KCNH1: variants seen among roughly 807,000 people sequenced by gnomAD.
KCNH1 encodes the protein voltage-gated delayed rectifier potassium channel KCNH1.
Under a neutral mutation model 69.2 loss-of-function variants are expected in KCNH1, and 27 were observed. That is an observed-to-expected ratio of 0.39 (90% confidence interval 0.29 to 0.54). KCNH1 has a LOEUF of 0.54. Among genes scored for constraint, KCNH1 ranks in the 20% least tolerant of loss-of-function variants. KCNH1 has a pLI of 0.68. For missense variants in KCNH1, 798 were observed against 1,261.6 expected (o/e 0.63, Z 5.57); for synonymous variants, 456 against 487.7 (o/e 0.93, Z 0.86).
At chr1:210,856,776 ATGT>A in intron 7 of KCNH1, among the ~76,000 whole-genome samples, 1 of 119,124 alleles carries the variant, frequency 8.4e-6, no homozygotes, top group Admixed American at 9.3e-5. Flanking sequence ...TTATATATAT[ATGT>A]TATATATATA....
At chr1:211,119,417 A>G (rs1232186052) in intron 1 of KCNH1, among the ~76,000 whole-genome samples, 6 of 152,210 alleles carry the variant, frequency 3.9e-5, no homozygotes, top group Non-Finnish European at 8.8e-5. Flanking sequence ...CTTTTAGAAT[A>G]ATTAAAGAAT....
chr1:210,839,615 G>T (rs894013028), intron 7 of KCNH1, among the ~76,000 whole-genome samples: 2 of 152,128 alleles, frequency 1.3e-5, no homozygotes, highest in African/African-American at 4.8e-5. Flanking sequence ...AAAATGCTTT[G>T]TAAATTGCCA....
At chr1:211,085,998 C>T (rs1328836367) in intron 4 of KCNH1, among the ~76,000 whole-genome samples, 1 of 152,128 alleles carries the variant, frequency 6.6e-6, no homozygotes, top group East Asian at 1.9e-4. Context: ...ATTGAACCCC[C>T]ACTTGCTTTA....
At chr1:211,070,372 C>G (rs866273623) in intron 5 of KCNH1, among the ~76,000 whole-genome samples, 1 of 150,618 alleles carries the variant, frequency 6.6e-6, no homozygotes, top group African/African-American at 2.4e-5. Context: ...GAGCCAAGAT[C>G]GCACCACCGC....
At chr1:210,849,062 T>C (rs1015508017) in intron 7 of KCNH1, among the ~76,000 whole-genome samples, 1 of 152,234 alleles carries the variant, frequency 6.6e-6, no homozygotes, top group African/African-American at 2.4e-5. Context: ...GATAGAAGGA[T>C]ATCAACTCCT....
At chr1:211,128,295 A>G (rs1277137339) in intron 1 of KCNH1, among the ~76,000 whole-genome samples, 6 of 152,020 alleles carry the variant, frequency 3.9e-5, no homozygotes, top group Non-Finnish European at 7.4e-5. Context: ...AAAAAAAAAA[A>G]AAAAAGAAAG....
At chr1:210,920,392 A>G (rs1687435177) in intron 6 of KCNH1, among the ~76,000 whole-genome samples, 1 of 152,208 alleles carries the variant, frequency 6.6e-6, no homozygotes, top group South Asian at 2.1e-4. Flanking sequence ...TAAGGGTTGC[A>G]TAATATTTCA....
At chr1:210,969,938 C>T (rs763746526) in intron 6 of KCNH1, among the ~76,000 whole-genome samples, 3 of 152,024 alleles carry the variant, frequency 2.0e-5, no homozygotes, top group South Asian at 4.1e-4. Context: ...ACTCTGTAAT[C>T]CATGCTGGAG....
chr1:211,096,302 G>A (rs1448533659), intron 3 of KCNH1, among the ~76,000 whole-genome samples: 1 of 152,180 alleles, frequency 6.6e-6, no homozygotes, highest in East Asian at 1.9e-4. Context: ...GACCTCAGGT[G>A]ATCTGCCCGC....
rs1323435078 is a variant in KCNH1 at position 210,818,463 on chromosome 1, C to A, written c.1463-14297G>T. On this transcript the variant is annotated intron_variant, in intron 7 of 10. Transcript: ENST00000271751. ...GAGCTTTGCAGTCACGCTGACTATCCCGACCCTGCTACTTACTTGCTGTGT... is the reference window on the plus strand; with the variant it reads ...GAGCTTTGCAGTCACGCTGACTATCACGACCCTGCTACTTACTTGCTGTGT... Among the ~76,000 whole-genome samples the A allele has an allele frequency of 3.3e-5, 5 of 152,094 alleles. No homozygotes were observed. The East Asian group carries it at 9.7e-4, about 29-fold the overall frequency.
chr1:210,997,815 C>T (rs952041313), intron 6 of KCNH1, among the ~76,000 whole-genome samples: 3 of 152,162 alleles, frequency 2.0e-5, no homozygotes, highest in East Asian at 1.9e-4. Context: ...GCTGATCTCT[C>T]GGCAGAAATT....
intron 5 of KCNH1, among the ~76,000 whole-genome samples, chr1:211,046,563 A>G (rs1465260614): frequency 6.6e-6 from 1 of 152,140 alleles, no homozygotes; most frequent in African/African-American, 2.4e-5. Flanking sequence ...TTCCTATTTT[A>G]TAAGAAGAAA....
Position 210,900,026 on chromosome 1 carries a change from T to C in KCNH1, c.1462+19614A>G, listed in dbSNP as rs573038159. Among the ~76,000 whole-genome samples, 9 of 152,346 alleles carry C rather than the reference T, an allele frequency of 5.9e-5. 1 individual carries two copies. Among genetic ancestry groups the C allele is most frequent in the Middle Eastern group, 3.4e-3 (1 of 294 alleles). ...AGGATAAAGGGGTAGTAAATGAGTATAATTCGTTAGTCCTAAATGCTTCTT... is the reference window on the plus strand; with the variant it reads ...AGGATAAAGGGGTAGTAAATGAGTACAATTCGTTAGTCCTAAATGCTTCTT... On this transcript the variant is annotated intron_variant, in intron 7 of 10. Coordinates refer to ENST00000271751, the MANE Select transcript of KCNH1 (RefSeq NM_172362.3).
Position 210,860,258 on chromosome 1 carries a change from G to A in KCNH1, c.1463-56092C>T. 3 of 1,470,632 alleles carry A rather than the reference G, an allele frequency of 2.0e-6. No homozygotes were observed. In the South Asian group the frequency reaches 3.4e-5, roughly 17 times the overall value. 91.1% of individuals were successfully genotyped at this position (1,470,632 alleles called of 1,614,324 possible). On this transcript the variant is annotated intron_variant, in intron 7 of 10. Coordinates refer to ENST00000271751, the MANE Select transcript of KCNH1 (RefSeq NM_172362.3). The stretch of plus-strand genomic sequence containing the variant: ...TGCTGAAAGACTTCAAATACAAGGG[G>A]TAGTAGCTGCCACATCTGTGGAGAC...
At chr1:210,734,625 G>A (rs1270833253) in intron 10 of KCNH1, among the ~76,000 whole-genome samples, 3 of 152,022 alleles carry the variant, frequency 2.0e-5, no homozygotes, top group South Asian at 2.1e-4. Flanking sequence ...CCAGAGGCAC[G>A]GCCTTCCTGG....
intron 7 of KCNH1, among the ~76,000 whole-genome samples, chr1:210,825,338 A>T (rs1422230048): frequency 6.6e-6 from 1 of 152,198 alleles, no homozygotes; most frequent in East Asian, 1.9e-4. Flanking sequence ...ATTAAGCTAT[A>T]TTCAGGGATT....
chr1:210,995,607 C>A (rs1689017481), intron 6 of KCNH1, among the ~76,000 whole-genome samples: 1 of 152,100 alleles, frequency 6.6e-6, no homozygotes, highest in African/African-American at 2.4e-5. Flanking sequence ...TACCAAATAC[C>A]CCTAAACAGA....
chr1:210,794,364 G>T (rs554611266), intron 9 of KCNH1, among the ~76,000 whole-genome samples: 1 of 152,180 alleles, frequency 6.6e-6, no homozygotes, highest in Non-Finnish European at 1.5e-5. Context: ...TTCTAGTGTA[G>T]ACAGCTTGAA....
chr1:210,917,374 ACT>A (rs1687369735), intron 7 of KCNH1, among the ~76,000 whole-genome samples: 1 of 151,902 alleles, frequency 6.6e-6, no homozygotes, highest in Admixed American at 6.6e-5. Context: ...AGATCACCTG[ACT>A]CTCAGAAGGT....
Sources: gnomAD v4.1 joint callset for allele counts (sites outside exome capture counted in the v4.1 genomes callset) on GRCh38, gnomAD v4.1.1 for gene constraint, MANE v1.5 for transcripts, NCBI Gene and HGNC (gene_info 2026-07-23, HGNC 2026-07-21) for gene names.